HOXA3: variants seen among roughly 807,000 people sequenced by gnomAD.
HOXA3 encodes homeobox A3.
HOXA3 carries 8 observed loss-of-function variants against 30.3 expected under a neutral mutation model. That is an observed-to-expected ratio of 0.26 (90% CI 0.15 to 0.48). HOXA3 has a LOEUF of 0.48. HOXA3 is among the 20% of genes least tolerant of loss of function. The probability of loss-of-function intolerance (pLI) is 0.99; values close to 1 mark genes in which losing one functional copy is unlikely to be tolerated. For missense variants in HOXA3, 653 were observed against 614.4 expected, an observed-to-expected ratio of 1.06 and a Z score of -0.66; for synonymous variants, 323 against 273.1, an observed-to-expected ratio of 1.18 and a Z score of -1.80.
chr7:27,130,718 A>C, intron 2 of HOXA3: 2 of 1,606,986 alleles, frequency 1.2e-6, no homozygotes, highest in African/African-American at 2.7e-5. Context: ...TTTATCAAAA[A>C]CGAGCTCATG....
intron 4 of HOXA3, 160 bp downstream of exon 4, chr7:27,122,399 A>C (rs564112067): frequency 6.6e-6 from 1 of 152,208 alleles, no homozygotes; most frequent in Non-Finnish European, 1.5e-5. Flanking sequence ...TCGCAGGGCA[A>C]GAAGCTTAAA....
intron 3 of HOXA3, among the ~76,000 whole-genome samples, chr7:27,125,018 T>C (rs1478037030): frequency 5.3e-5 from 8 of 151,992 alleles, no homozygotes; most frequent in South Asian, 2.1e-4. Context: ...GGTTACAAAA[T>C]CTCCCCAAGC....
intron 1 of HOXA3, chr7:27,143,157 C>T: frequency 1.2e-6 from 2 of 1,609,856 alleles, no homozygotes; most frequent in Non-Finnish European, 8.5e-7. Context: ...GGGGCGTCCT[C>T]CTCGGCTCCG....
intron 1 of HOXA3, chr7:27,145,596 G>T: frequency 6.4e-7 from 1 of 1,561,582 alleles, no homozygotes; most frequent in African/African-American, 1.4e-5. Flanking sequence ...TGGGGAACAG[G>T]CGAGGGCAAG....
chr7:27,150,261 C>T (rs1356217020), intron 1 of HOXA3: 1 of 152,224 alleles, frequency 6.6e-6, no homozygotes, highest in East Asian at 1.9e-4. Flanking sequence ...ATGGCCACCC[C>T]AGGGCTCTCT....
chr7:27,130,653 G>A, intron 2 of HOXA3: 1 of 1,603,346 alleles, frequency 6.2e-7, no homozygotes, highest in Non-Finnish European at 8.5e-7. Context: ...CGCCCGAGCC[G>A]CTGTGCTGCG....
At chr7:27,135,871 AT>A (rs1308369066) in intron 2 of HOXA3, among the ~76,000 whole-genome samples, 1 of 152,184 alleles carries the variant, frequency 6.6e-6, no homozygotes, top group African/African-American at 2.4e-5. Flanking sequence ...ATCTATGCCT[AT>A]TTACCTGCTG....
chr7:27,117,939 C>T (rs1784810748), intron 4 of HOXA3, among the ~76,000 whole-genome samples: 1 of 152,152 alleles, frequency 6.6e-6, no homozygotes, highest in Non-Finnish European at 1.5e-5. Flanking sequence ...CCCCCTAGTG[C>T]CCCCTCCTTT....
intron 2 of HOXA3, chr7:27,130,170 C>T (rs867495371): frequency 3.8e-6 from 6 of 1,598,064 alleles, no homozygotes; most frequent in East Asian, 2.3e-5. Context: ...GCTCCTTGCC[C>T]TTCAGGCCCA....
rs570278653 is a variant in HOXA3, at chr7:27,131,694, G to A, written c.-389-4624C>T. Among the ~76,000 whole-genome samples, 6 of 152,262 alleles carry A rather than the reference G, an allele frequency of 3.9e-5. No homozygotes were observed. The South Asian group carries it at 1.0e-3, about 26-fold the overall frequency. On this transcript the variant is annotated intron_variant, in intron 2 of 5. Coordinates refer to ENST00000612286, the MANE Select transcript of HOXA3 (RefSeq NM_153631.3). Reference sequence around the variant, plus strand: ...ATAGAAGCAACACCTCCACAGAACCGAGCTTTGAAAACAATAACTTCCTAT... The same window carrying A: ...ATAGAAGCAACACCTCCACAGAACCAAGCTTTGAAAACAATAACTTCCTAT...
At chr7:27,130,260 C>G (rs1785472227) in intron 2 of HOXA3, 1 of 1,193,938 alleles carries the variant, frequency 8.4e-7, no homozygotes, top group Admixed American at 4.7e-5. Context: ...CGGGGGCCGC[C>G]TCGCAGCGCC....
Position 27,110,722 on chromosome 7 carries a change from C to G in HOXA3, c.-82G>C. 1 of 1,572,994 alleles carries G rather than the reference C, an allele frequency of 6.4e-7. No individual in the cohort carries two copies. Among genetic ancestry groups the G allele is most frequent in the East Asian group, 2.3e-5 (1 of 43,840 alleles). On this transcript the variant is annotated 5_prime_UTR_variant, in exon 5 of 6. The change abolishes the stop of an existing upstream ORF in the 5' untranslated region. Transcript: ENST00000612286. ...GCGCACATTGGCACGCCCCCGCGGT[C>G]ACGTGACACTCCGCCGCCAATGGCC...
chr7:27,132,897 A>G (rs938738571), intron 2 of HOXA3, among the ~76,000 whole-genome samples: 3 of 152,216 alleles, frequency 2.0e-5, no homozygotes, highest in Non-Finnish European at 2.9e-5. Context: ...GGTCTTAACC[A>G]TATCTGTTTA....
chr7:27,110,406 G>T lies in HOXA3; in HGVS notation c.235C>A (p.Pro79Thr). 6.5e-7 allele frequency: 1 copy of T among 1,538,300 alleles called. No homozygotes were observed. ...TCTCCCAGGCTTGGAGGCTGGCTAGGTGGGGCGCTCAGGGTGCGCAGGCAC... is the reference window on the plus strand; with the variant it reads ...TCTCCCAGGCTTGGAGGCTGGCTAGTTGGGGCGCTCAGGGTGCGCAGGCAC... ...EACLRTLSAP[P>T]SQPPSLGEPP... The change falls in exon 5 of 6, where the codon CCT becomes ACT. Residue 79 changes from proline to threonine, a missense_variant. Transcript: ENST00000612286.
intron 4 of HOXA3, chr7:27,116,463 C>T (rs775248152): frequency 6.6e-6 from 1 of 152,486 alleles, no homozygotes; most frequent in Non-Finnish European, 1.5e-5. Flanking sequence ...GGGGACTAGC[C>T]TTTTTTGATA....
chr7:27,120,687 T>G (rs75765961), intron 4 of HOXA3, among the ~76,000 whole-genome samples: 1,718 of 152,264 alleles, frequency 0.011, 34 homozygotes, highest in African/African-American at 0.039. Context: ...ATGCTCCAAC[T>G]GCTGTTTAAC....
chr7:27,151,716 T>A (rs1782979021), intron 1 of HOXA3: 1 of 456,364 alleles, frequency 2.2e-6, no homozygotes, highest in Admixed American at 2.3e-5. Context: ...TACCTTTCTC[T>A]CTGAAACCAA....
intron 1 of HOXA3, among the ~76,000 whole-genome samples, chr7:27,143,849 G>T (rs3735528): frequency 0.61 from 92,702 of 151,916 alleles, 29,984 homozygotes; most frequent in South Asian, 0.76. Context: ...GTGGAGGCGA[G>T]GGGGGTGGCG....
At chr7:27,129,105 A>G (rs1479009252) in intron 2 of HOXA3, 15 of 743,706 alleles carry the variant, frequency 2.0e-5, no homozygotes, top group Non-Finnish European at 3.6e-5. Context: ...CTTTTCACCA[A>G]TTTGGGTTTG....
Sources: allele counts gnomAD v4.1 joint callset (sites outside exome capture counted in the v4.1 genomes callset), GRCh38; gene constraint gnomAD v4.1.1; transcripts MANE v1.5; gene names NCBI Gene and HGNC (gene_info 2026-07-23, HGNC 2026-07-21).